The following GLDN variants were observed in gnomAD, a reference collection of about 807,000 sequenced individuals.
The protein encoded by GLDN is gliomedin.
GLDN carries 47 observed loss-of-function variants against 56.5 expected under a neutral mutation model. The observed-to-expected ratio is 0.83, with a 90% CI of 0.66 to 1.06. The LOEUF (loss-of-function observed/expected upper bound fraction) is 1.06. Ranked by LOEUF, GLDN falls within the 50% of genes least tolerant of loss-of-function variation. The probability of loss-of-function intolerance (pLI) is 0.00; values close to 1 mark genes in which losing one functional copy is unlikely to be tolerated. For missense variants in GLDN, 782 were observed against 714.3 expected (o/e 1.09, Z -1.08); for synonymous variants, 332 against 278.8 (o/e 1.19, Z -1.90).
chr15:51,348,321 T>A (rs2037015416), intron 1 of GLDN, among the ~76,000 whole-genome samples: 1 of 143,824 alleles, frequency 7.0e-6, no homozygotes, highest in Non-Finnish European at 1.5e-5. Flanking sequence ...TCTTTTTTAT[T>A]TTTTTATTTT....
rs536703443 is a variant in GLDN at position 51,357,467 on chromosome 15, C to T, written c.363+15420C>T. Among the ~76,000 whole-genome samples, 4 of 152,328 alleles carry T rather than the reference C, an allele frequency of 2.6e-5. No individual in the cohort carries two copies. In the South Asian group the frequency reaches 8.3e-4, roughly 32 times the overall value. ...CTTCTCGCTAGAAATTGGAGGAAGA[C>T]ACGAGGCACCTGTCGGCCATTTAAA... On this transcript the variant is annotated intron_variant, in intron 1 of 9. Transcript: ENST00000335449.
chr15:51,374,407 A>AT (rs1039523880), intron 1 of GLDN, among the ~76,000 whole-genome samples: 1 of 152,030 alleles, frequency 6.6e-6, no homozygotes, highest in Non-Finnish European at 1.5e-5. Context: ...CAGTGAATCA[A>AT]TTTTTTTTCT....
At chr15:51,346,883 T>C (rs147953584) in intron 1 of GLDN, among the ~76,000 whole-genome samples, 4,054 of 152,162 alleles carry the variant, frequency 0.027, 67 homozygotes, top group Non-Finnish European at 0.039. Flanking sequence ...CTGGCCAACA[T>C]GGTGAAACCC....
intron 4 of GLDN, among the ~76,000 whole-genome samples, chr15:51,392,480 C>G (rs12441937): frequency 3.9e-5 from 6 of 152,168 alleles, no homozygotes; most frequent in Non-Finnish European, 8.8e-5. Context: ...CCCAGTGATT[C>G]TACATTATGG....
rs534519385 is a variant in GLDN at position 51,341,937 on chromosome 15, G to A, written c.253G>A (p.Asp85Asn). The change falls in exon 1 of 10, where the codon GAC (aspartate) becomes AAC (asparagine). Residue 85 changes from aspartate (D) to asparagine (N), a missense_variant. Coordinates refer to ENST00000335449, the MANE Select transcript of GLDN (RefSeq NM_181789.4). ...GCGCGGGGCGTCCGCACCACCCCAA[G>A]ACCCGGCCAGCTCAGCTCGCAACAA... The part of the protein sequence containing the change: ...APRGASAPPQ[D>N]PASSARNKRS... 2 of 1,596,980 alleles carry A rather than the reference G, an allele frequency of 1.3e-6. No individual in the cohort carries two copies. Among genetic ancestry groups the A allele is most frequent in the South Asian group, 2.2e-5 (2 of 91,002 alleles).
intron 1 of GLDN, among the ~76,000 whole-genome samples, chr15:51,353,227 C>T (rs1257162905): frequency 6.6e-6 from 1 of 151,950 alleles, no homozygotes; most frequent in Non-Finnish European, 1.5e-5. Flanking sequence ...ATCAGCATTT[C>T]CCATTTCCTA....
chr15:51,357,952 G>T (rs963537197), intron 1 of GLDN, among the ~76,000 whole-genome samples: 3 of 152,108 alleles, frequency 2.0e-5, no homozygotes, highest in African/African-American at 4.8e-5. Flanking sequence ...CTAGGGACCT[G>T]TCCCTCGTAC....
intron 1 of GLDN, among the ~76,000 whole-genome samples, chr15:51,355,409 C>T (rs1017611466): frequency 1.3e-5 from 2 of 152,072 alleles, no homozygotes; most frequent in African/African-American, 2.4e-5. Flanking sequence ...TTTTAGCATG[C>T]TAATGCATTA....
At chr15:51,351,072 G>C (rs1035141575) in intron 1 of GLDN, 1 of 248,200 alleles carries the variant, frequency 4.0e-6, no homozygotes, top group South Asian at 5.3e-5. Context: ...AGATTTTTTT[G>C]TCTTCATAAT....
At chr15:51,358,646 G>T (rs1308255798) in intron 1 of GLDN, among the ~76,000 whole-genome samples, 2 of 152,310 alleles carry the variant, frequency 1.3e-5, no homozygotes, top group Non-Finnish European at 1.5e-5. Context: ...TAGGGCTAGT[G>T]CTCACTAGGG....
At chr15:51,360,589 A>C (rs1162577238) in intron 1 of GLDN, 2 of 152,318 alleles carry the variant, frequency 1.3e-5, no homozygotes, top group East Asian at 3.8e-4. Flanking sequence ...GGACACTGGC[A>C]CGGCCTTCTC....
intron 1 of GLDN, among the ~76,000 whole-genome samples, chr15:51,364,742 A>G (rs2037367684): frequency 6.6e-6 from 1 of 152,136 alleles, no homozygotes; most frequent in Non-Finnish European, 1.5e-5. Context: ...GTGGGTTTCA[A>G]TTAATTGATT....
chr15:51,351,821 G>T (rs1395794994), intron 1 of GLDN, among the ~76,000 whole-genome samples: 1 of 152,172 alleles, frequency 6.6e-6, no homozygotes, highest in African/African-American at 2.4e-5. Flanking sequence ...TCATATCCTG[G>T]ACCCACAGCT....
intron 2 of GLDN, among the ~76,000 whole-genome samples, chr15:51,381,009 AACCC>A (rs1458975518): frequency 6.6e-6 from 1 of 152,204 alleles, no homozygotes; most frequent in Non-Finnish European, 1.5e-5. Flanking sequence ...CTGAATTAGG[AACCC>A]CAGATGGGGC....
rs1009871140 is a variant in GLDN at position 51,407,571 on chromosome 15, C to T, written c.*2817C>T. 6.6e-6 allele frequency: 1 copy of T among 152,184 alleles called. No individual in the cohort carries two copies. The highest frequency in any genetic ancestry group is 2.4e-5 in the African/African-American group (1 of 41,454). 9.4% of individuals were successfully genotyped at this position (152,184 alleles called of 1,614,324 possible). On this transcript the variant is annotated 3_prime_UTR_variant, in exon 10 of 10. Coordinates refer to ENST00000335449, the MANE Select transcript of GLDN (RefSeq NM_181789.4). ...AGCTAGGCCACACTCTATTTCAAGG[C>T]ATTTTCTTTCAGCTGATAAGGTGTC...
chr15:51,392,759 C>T (rs997795295), intron 4 of GLDN, among the ~76,000 whole-genome samples: 1 of 152,194 alleles, frequency 6.6e-6, no homozygotes, highest in African/African-American at 2.4e-5. Context: ...TAGCTTTGTA[C>T]AGTATTAGAA....
At chr15:51,354,791 C>A (rs1047207846) in intron 1 of GLDN, among the ~76,000 whole-genome samples, 1 of 152,122 alleles carries the variant, frequency 6.6e-6, no homozygotes, top group Non-Finnish European at 1.5e-5. Flanking sequence ...CATCGTAGAA[C>A]CTTTGCCAGG....
chr15:51,355,217 G>A (rs1274709460), intron 1 of GLDN, among the ~76,000 whole-genome samples: 3 of 152,142 alleles, frequency 2.0e-5, no homozygotes, highest in African/African-American at 7.2e-5. Flanking sequence ...CTGCTGGTTG[G>A]CTATTTTTAT....
intron 6 of GLDN, 119 bp downstream of exon 6, chr15:51,397,717 A>G: frequency 1.6e-6 from 2 of 1,244,086 alleles, no homozygotes; most frequent in Non-Finnish European, 2.1e-6. Flanking sequence ...TTTGTCCAAA[A>G]TGAAAGTTCC....
Sources: gnomAD v4.1 joint callset for allele counts (sites outside exome capture counted in the v4.1 genomes callset) on GRCh38, gnomAD v4.1.1 for gene constraint, MANE v1.5 for transcripts, NCBI Gene and HGNC (gene_info 2026-07-23, HGNC 2026-07-21) for gene names.